Variants in SUCLG2 observed in about 807,000 individuals in gnomAD.
SUCLG2 encodes succinate--CoA ligase [GDP-forming] subunit beta, mitochondrial.
Under a neutral mutation model 47.9 loss-of-function variants are expected in SUCLG2, and 42 were observed. The ratio of observed to expected loss-of-function variants is 0.88; its 90% CI spans 0.69 to 1.14. SUCLG2 has a LOEUF of 1.14. Ranked by LOEUF, SUCLG2 falls within the 50% of genes most tolerant of loss-of-function variation. SUCLG2 has a pLI of 0.00. For synonymous variants in SUCLG2, 195 were observed against 197.3 expected, an observed-to-expected ratio of 0.99 and a Z score of 0.10; for missense variants, 571 against 525.9, an observed-to-expected ratio of 1.09 and a Z score of -0.84.
chr3:67,648,898 A>C (rs530108556), intron 1 of SUCLG2, among the ~76,000 whole-genome samples: 3 of 152,168 alleles, frequency 2.0e-5, no homozygotes, highest in Admixed American at 6.5e-5. Context: ...CTGGGGAATC[A>C]CTCACGCTGT....
chr3:67,435,729 A>G (rs1453819151), intron 9 of SUCLG2, among the ~76,000 whole-genome samples: 1 of 152,212 alleles, frequency 6.6e-6, no homozygotes, highest in East Asian at 1.9e-4. Flanking sequence ...CCTAAATGTA[A>G]TCTGTTTTGC....
At chr3:67,529,330 A>C in intron 2 of SUCLG2, 144 bp from the exon 3 acceptor site, 1 of 636,518 alleles carries the variant, frequency 1.6e-6, no homozygotes, top group Non-Finnish European at 2.7e-6. Flanking sequence ...AATGCAATGA[A>C]GAACTTCAAA....
chr3:67,528,343 A>T, intron 3 of SUCLG2, 121 bp from the exon 4 acceptor site: 1 of 862,982 alleles, frequency 1.2e-6, no homozygotes, highest in Non-Finnish European at 1.8e-6. Context: ...CACAAAATCC[A>T]TGAGTCTTTC....
intron 2 of SUCLG2, among the ~76,000 whole-genome samples, chr3:67,576,333 T>C (rs1707740947): frequency 6.6e-6 from 1 of 152,084 alleles, no homozygotes; most frequent in Non-Finnish European, 1.5e-5. Context: ...TATGCCATGG[T>C]AGGATTTGTA....
At chr3:67,623,041 C>T (rs986438561) in intron 1 of SUCLG2, among the ~76,000 whole-genome samples, 1 of 152,038 alleles carries the variant, frequency 6.6e-6, no homozygotes, top group African/African-American at 2.4e-5. Context: ...GAAGTTGTTT[C>T]CTGAAAATTA....
intron 1 of SUCLG2, 92 bp downstream of exon 1, chr3:67,654,411 G>A: frequency 9.4e-7 from 1 of 1,061,562 alleles, no homozygotes; most frequent in Non-Finnish European, 1.2e-6. Context: ...CGCGCAGGGG[G>A]TCAGGCGGAG....
rs753617532 is a variant in SUCLG2, at chr3:67,520,526, C to A, written c.526G>T (p.Asp176Tyr). Reference protein sequence around the residue: ...VLVGSPQGGVDIEEVAASNPE... With the variant: ...VLVGSPQGGVYIEEVAASNPE... ...TTTGAAGCAGCCACCTCTTCAATGT[C>A]GACGCCCCCCTGGGGGCTGCCCACC... Residue 176 changes from aspartate to tyrosine, a missense_variant, in exon 5 of 11, where the codon GAC (aspartate) becomes TAC (tyrosine). Transcript: ENST00000307227. The A allele has an allele frequency of 2.6e-5, 42 of 1,614,030 alleles. No homozygotes were observed. The highest frequency in any genetic ancestry group is 3.2e-5 in the Non-Finnish European group (38 of 1,180,012).
At chr3:67,450,879 C>T (rs970774868) in intron 9 of SUCLG2, among the ~76,000 whole-genome samples, 77 of 152,336 alleles carry the variant, frequency 5.1e-4, no homozygotes, top group African/African-American at 1.7e-3. Context: ...TAAACTAACT[C>T]TGCTTGCCAT....
chr3:67,626,010 A>T (rs888685908), intron 1 of SUCLG2, among the ~76,000 whole-genome samples: 4 of 146,198 alleles, frequency 2.7e-5, no homozygotes, highest in African/African-American at 1.0e-4. Flanking sequence ...GTAGCTACAT[A>T]TATATATATT....
intron 9 of SUCLG2, among the ~76,000 whole-genome samples, chr3:67,440,217 T>A (rs544543763): frequency 6.6e-6 from 1 of 152,208 alleles, no homozygotes; most frequent in East Asian, 1.9e-4. Flanking sequence ...TTACACTTTA[T>A]GCAAAAACTA....
intron 2 of SUCLG2, among the ~76,000 whole-genome samples, chr3:67,530,049 C>A (rs1420443157): frequency 6.6e-6 from 1 of 152,186 alleles, no homozygotes; most frequent in Non-Finnish European, 1.5e-5. Flanking sequence ...TAGCACACAA[C>A]TGCAGACCAC....
At chr3:67,643,982 T>TA (rs1701147548) in intron 1 of SUCLG2, among the ~76,000 whole-genome samples, 1 of 152,214 alleles carries the variant, frequency 6.6e-6, no homozygotes, top group South Asian at 2.1e-4. Flanking sequence ...ATAGTGGGCC[T>TA]AATAGTGGAC....
At chr3:67,392,924 C>T (rs572953581) in intron 10 of SUCLG2, among the ~76,000 whole-genome samples, 1 of 152,190 alleles carries the variant, frequency 6.6e-6, no homozygotes, top group Non-Finnish European at 1.5e-5. Context: ...AAACAATCCT[C>T]CTGCCTCAGT....
At chr3:67,365,059 G>GAA (rs1701857485) in intron 10 of SUCLG2, among the ~76,000 whole-genome samples, 1 of 152,172 alleles carries the variant, frequency 6.6e-6, no homozygotes, top group Non-Finnish European at 1.5e-5. Flanking sequence ...AGGGCACAGA[G>GAA]AAAAGCATCT....
At chr3:67,629,882 A>AAT (rs1023791420) in intron 1 of SUCLG2, among the ~76,000 whole-genome samples, 9 of 152,032 alleles carry the variant, frequency 5.9e-5, no homozygotes, top group African/African-American at 1.7e-4. Context: ...ACCATGACCA[A>AAT]ATATATATAT....
intron 9 of SUCLG2, among the ~76,000 whole-genome samples, chr3:67,487,387 G>C (rs1279243770): frequency 6.6e-6 from 1 of 152,038 alleles, no homozygotes; most frequent in Non-Finnish European, 1.5e-5. Context: ...CTTTATTATA[G>C]TGAGACATCA....
chr3:67,395,331 T>A (rs2106800304), intron 10 of SUCLG2, among the ~76,000 whole-genome samples: 1 of 152,222 alleles, frequency 6.6e-6, no homozygotes, highest in Non-Finnish European at 1.5e-5. Context: ...GAGGAAGATC[T>A]ACCAAGCAAA....
At chr3:67,619,262 C>T (rs571964608) in intron 1 of SUCLG2, among the ~76,000 whole-genome samples, 7 of 152,166 alleles carry the variant, frequency 4.6e-5, no homozygotes, top group Non-Finnish European at 7.3e-5. Context: ...AGCATTACCT[C>T]GTGAGATTCT....
intron 9 of SUCLG2, among the ~76,000 whole-genome samples, chr3:67,462,261 T>TC (rs374510820): frequency 4.6e-5 from 7 of 151,792 alleles, no homozygotes; most frequent in African/African-American, 1.7e-4. Flanking sequence ...TACTCTAATC[T>TC]CCCCCCACTT....
Sources: allele counts gnomAD v4.1 joint callset (sites outside exome capture counted in the v4.1 genomes callset), GRCh38; gene constraint gnomAD v4.1.1; transcripts MANE v1.5; gene names NCBI Gene and HGNC (gene_info 2026-07-23, HGNC 2026-07-21).